PRKAG2: variants seen among roughly 807,000 people sequenced by gnomAD.
The protein encoded by PRKAG2 is 5'-AMP-activated protein kinase subunit gamma-2.
PRKAG2 carries 26 observed loss-of-function variants against 69.6 expected under a neutral mutation model. The observed-to-expected ratio is 0.37, with a 90% CI of 0.27 to 0.52. The LOEUF (loss-of-function observed/expected upper bound fraction) is 0.52, where lower values mean the gene tolerates loss of function less well. Among genes scored for constraint, PRKAG2 ranks in the 20% least tolerant of loss-of-function variants. The pLI is 0.90. For missense variants in PRKAG2, 557 were observed against 740.0 expected (o/e 0.75, Z 2.87); for synonymous variants, 293 against 285.0 (o/e 1.03, Z -0.28).
At chr7:151,703,797 G>A (rs1214972374) in intron 3 of PRKAG2, among the ~76,000 whole-genome samples, 8 of 150,226 alleles carry the variant, frequency 5.3e-5, no homozygotes, top group Non-Finnish European at 8.9e-5. Context: ...AAGGTCAGGA[G>A]TTTGAGACCA....
At chr7:151,852,014 C>G (rs1044051738) in intron 1 of PRKAG2, among the ~76,000 whole-genome samples, 1 of 152,136 alleles carries the variant, frequency 6.6e-6, no homozygotes, top group East Asian at 1.9e-4. Context: ...TCGCCTGTCC[C>G]GTGCCTGCTC....
intron 1 of PRKAG2, among the ~76,000 whole-genome samples, chr7:151,866,950 C>T (rs1056437096): frequency 2.0e-5 from 3 of 151,748 alleles, no homozygotes; most frequent in African/African-American, 7.3e-5. Context: ...GTGCTCTGGA[C>T]AGAGGGAGCA....
intron 5 of PRKAG2, among the ~76,000 whole-genome samples, chr7:151,627,204 C>T (rs1823180123): frequency 6.6e-6 from 1 of 152,198 alleles, no homozygotes; most frequent in Non-Finnish European, 1.5e-5. Context: ...GGCCCTTCAT[C>T]ACAGATCTGG....
At chr7:151,694,525 C>T (rs1836261650) in intron 3 of PRKAG2, among the ~76,000 whole-genome samples, 1 of 152,184 alleles carries the variant, frequency 6.6e-6, no homozygotes, top group Admixed American at 6.5e-5. Context: ...CTAGGGACCT[C>T]ATATGAGTAA....
chr7:151,864,914 G>GTA (rs1232358976), intron 1 of PRKAG2, among the ~76,000 whole-genome samples: 2 of 152,032 alleles, frequency 1.3e-5, no homozygotes, highest in African/African-American at 4.8e-5. Context: ...TTTTCAAAGT[G>GTA]TATATATGTA....
chr7:151,848,510 G>GTTTT, intron 1 of PRKAG2, among the ~76,000 whole-genome samples: 2 of 83,992 alleles, frequency 2.4e-5, no homozygotes, highest in Admixed American at 1.3e-4. Context: ...AATACTGCAT[G>GTTTT]TCTTTTTTTT....
intron 2 of PRKAG2, 66 bp downstream of exon 2, chr7:151,786,404 C>A: frequency 6.8e-7 from 1 of 1,464,702 alleles, no homozygotes; most frequent in South Asian, 1.2e-5. Context: ...GAAGTGGGCT[C>A]AGGCTCTGCC....
intron 3 of PRKAG2, among the ~76,000 whole-genome samples, chr7:151,778,503 G>A (rs145912906): frequency 5.1e-4 from 77 of 152,154 alleles, no homozygotes; most frequent in South Asian, 1.2e-3. Context: ...GAGCAACACC[G>A]CCTCCCATCC....
chr7:151,566,016 C>T lies in PRKAG2; in HGVS notation c.1234-131G>A, dbSNP rs1806173174. 3.0e-6 allele frequency: 3 copies of T among 994,948 alleles called. No homozygotes were observed. In the South Asian group the frequency reaches 4.1e-5, roughly 14 times the overall value. The allele number at this position is 994,948 out of a possible 1,614,324, so 61.6% of individuals were successfully genotyped here. ...TTTTTCTAACAGTCTACCTGGATGC[C>T]TGAATTAACATGAGAAAATTACAAA... is the stretch of plus-strand genomic sequence containing the variant. On this transcript the variant is annotated intron_variant, in intron 11 of 15. Coordinates refer to ENST00000287878, the MANE Select transcript of PRKAG2 (RefSeq NM_016203.4).
At chr7:151,612,459 G>C (rs2151222806) in intron 5 of PRKAG2, among the ~76,000 whole-genome samples, 1 of 152,166 alleles carries the variant, frequency 6.6e-6, no homozygotes, top group African/African-American at 2.4e-5. Flanking sequence ...AGGGGACAGA[G>C]TTGGAGGCCC....
intron 1 of PRKAG2, among the ~76,000 whole-genome samples, chr7:151,857,412 A>AAAAAAAAGACTTCATATAAAT (rs2079812273): frequency 2.0e-5 from 3 of 151,900 alleles, no homozygotes; most frequent in Non-Finnish European, 4.4e-5. Flanking sequence ...AAAAAAAAAA[A>AAAAAAAAGACTTCATATAAAT]AAAAGACTTC....
At chr7:151,611,825 G>A (rs959616501) in intron 5 of PRKAG2, among the ~76,000 whole-genome samples, 1 of 152,106 alleles carries the variant, frequency 6.6e-6, no homozygotes, top group East Asian at 1.9e-4. Flanking sequence ...AGGACGAGGC[G>A]GGCAGATTAC....
At chr7:151,824,690 G>T (rs181795820) in intron 1 of PRKAG2, among the ~76,000 whole-genome samples, 1 of 152,118 alleles carries the variant, frequency 6.6e-6, no homozygotes, top group South Asian at 2.1e-4. Context: ...TCAGCCTGCG[G>T]TTCCCAAAAT....
intron 1 of PRKAG2, among the ~76,000 whole-genome samples, chr7:151,823,972 G>A (rs1490052598): frequency 3.3e-5 from 5 of 152,270 alleles, no homozygotes; most frequent in East Asian, 1.9e-4. Context: ...CTGTAAAGAC[G>A]GGGAAACAGG....
In PRKAG2 at chr7:151,735,765, C is replaced by A. The variant is rs2151697065; in HGVS notation, c.466+45387G>T. On this transcript the variant is annotated intron_variant, in intron 3 of 15. Transcript: ENST00000287878. ...AAACACTTCCCACGTATTCCTCTAA[C>A]CACCGCCTGATGTTATATCCCAGTT... 2.4e-6 allele frequency: 3 copies of A among 1,241,416 alleles called. No homozygotes were observed. In the South Asian group the frequency reaches 4.4e-5, roughly 18 times the overall value. The allele number at this position is 1,241,416 out of a possible 1,614,324, so 76.9% of individuals were successfully genotyped here. A position where few individuals can be genotyped will look rare whatever the true frequency, so the allele number is the denominator to read the frequency against.
intron 3 of PRKAG2, among the ~76,000 whole-genome samples, chr7:151,738,403 GC>G (rs1005770379): frequency 1.3e-5 from 2 of 152,232 alleles, no homozygotes; most frequent in African/African-American, 4.8e-5. Context: ...TTGGGAGCAA[GC>G]CCCCCAAAAT....
intron 3 of PRKAG2, among the ~76,000 whole-genome samples, chr7:151,687,103 G>GA (rs1433514225): frequency 6.6e-6 from 1 of 152,182 alleles, no homozygotes; most frequent in Non-Finnish European, 1.5e-5. Flanking sequence ...AAACAAAACA[G>GA]AAATGGTGGT....
In PRKAG2 at chr7:151,638,464, T is replaced by C. The variant is rs1826111106; in HGVS notation, c.685-6326A>G. Among the ~76,000 whole-genome samples the C allele has an allele frequency of 6.6e-6, 1 of 152,004 alleles. No individual in the cohort carries two copies. Among genetic ancestry groups the C allele is most frequent in the Non-Finnish European group, 1.5e-5 (1 of 67,994 alleles). On this transcript the variant is annotated intron_variant, in intron 4 of 15. Transcript: ENST00000287878. The surrounding 1 kb of genome is among the most constrained non-coding windows in gnomAD (Gnocchi z 4.3). ...CCTGGCCAACATGGTGAAAACCCCG[T>C]CTCTACTAAAAATACAAAAATTAGC...
chr7:151,588,564 T>G (rs1462591000), intron 6 of PRKAG2, among the ~76,000 whole-genome samples: 2 of 152,146 alleles, frequency 1.3e-5, no homozygotes, highest in Non-Finnish European at 2.9e-5. Context: ...TTCGCCATGT[T>G]GGCCAGGCTG....
Sources: allele counts gnomAD v4.1 joint callset (sites outside exome capture counted in the v4.1 genomes callset), GRCh38; gene constraint gnomAD v4.1.1; non-coding constraint Gnocchi (gnomAD v3.1); transcripts MANE v1.5; gene names NCBI Gene and HGNC (gene_info 2026-07-23, HGNC 2026-07-21).